Variants in BRINP2 observed in about 807,000 individuals in gnomAD.
The protein encoded by BRINP2 is BMP/retinoic acid-inducible neural-specific protein 2.
In BRINP2, 21 loss-of-function variants were observed where a neutral mutation model predicts 69.2. That is an observed-to-expected ratio of 0.30 (90% CI 0.22 to 0.44). BRINP2 has a LOEUF of 0.44. Ranked by LOEUF, BRINP2 falls within the 20% of genes least tolerant of loss-of-function variation. The probability of loss-of-function intolerance (pLI) is 1.00; values close to 1 mark genes in which losing one functional copy is unlikely to be tolerated. For missense variants in BRINP2, 877 were observed against 986.0 expected (o/e 0.89, Z 1.48); for synonymous variants, 380 against 394.1 (o/e 0.96, Z 0.42).
chr1:177,244,887 C>T (rs990951330), intron 2 of BRINP2, among the ~76,000 whole-genome samples: 2 of 152,128 alleles, frequency 1.3e-5, no homozygotes, highest in South Asian at 2.1e-4. Context: ...CAAATCAGCA[C>T]ACAGTCCCTT....
chr1:177,253,491 G>A (rs1267690576), intron 2 of BRINP2, among the ~76,000 whole-genome samples: 1 of 152,094 alleles, frequency 6.6e-6, no homozygotes, highest in Non-Finnish European at 1.5e-5. Context: ...TCTGTAGGTT[G>A]TCTCCTCGCT....
intron 2 of BRINP2, 29 bp downstream of exon 2, chr1:177,230,174 GC>G: frequency 6.4e-7 from 1 of 1,565,694 alleles, no homozygotes; most frequent in Non-Finnish European, 8.7e-7. Context: ...TGAGACAGGG[GC>G]TTCCCTAAGA....
intron 2 of BRINP2, among the ~76,000 whole-genome samples, chr1:177,254,517 G>T (rs1262031027): frequency 6.6e-6 from 1 of 152,064 alleles, no homozygotes; most frequent in Non-Finnish European, 1.5e-5. Context: ...AATGGGAAGT[G>T]CACATAAAGC....
intron 4 of BRINP2, among the ~76,000 whole-genome samples, chr1:177,272,363 C>T (rs758616271): frequency 2.0e-5 from 3 of 152,238 alleles, no homozygotes; most frequent in Non-Finnish European, 4.4e-5. Context: ...TTGTTGCACA[C>T]ACCTCCCTAC....
chr1:177,223,413 T>C (rs746996429), intron 1 of BRINP2, among the ~76,000 whole-genome samples: 25 of 152,192 alleles, frequency 1.6e-4, no homozygotes, highest in Non-Finnish European at 8.8e-5. Context: ...TCCTGCCCTA[T>C]GAAAGCAAAG....
In BRINP2 at chr1:177,188,385, C is replaced by T. The variant is rs912447591; in HGVS notation, c.-77+16653C>T. Among the ~76,000 whole-genome samples the T allele has an allele frequency of 4.6e-5, 7 of 151,670 alleles. No homozygotes were observed. In the Middle Eastern group the frequency reaches 0.014, roughly 295 times the overall value. Reference sequence around the variant, plus strand: ...GTTGTGGAAGACAAGCAATAAACAACAACAAGAAAAAAAACATAATTAATG... The same window carrying T: ...GTTGTGGAAGACAAGCAATAAACAATAACAAGAAAAAAAACATAATTAATG... On this transcript the variant is annotated intron_variant, in intron 1 of 7. Transcript: ENST00000361539.
In BRINP2 at chr1:177,230,136, G is replaced by A. The variant is rs201739935; in HGVS notation, c.260G>A (p.Arg87Lys). Residue 87 changes from arginine (R) to lysine (K), a missense_variant, in exon 2 of 8, where the codon AGG becomes AAG. Arg to Lys is a conservative substitution (Grantham distance 26, BLOSUM62 2). Transcript: ENST00000361539. ...RYRQGFTTRY[R>K]IYREFARWKV... ...CGCCAGGGTTTCACCACCAGGTACAGGATTTATAGGTAAGTGGGGGCCTCC... is the reference window on the plus strand; with the variant it reads ...CGCCAGGGTTTCACCACCAGGTACAAGATTTATAGGTAAGTGGGGGCCTCC... 265 of 1,601,260 alleles carry A rather than the reference G, an allele frequency of 1.7e-4. No homozygotes were observed. The highest frequency in any genetic ancestry group is 1.1e-4 in the Non-Finnish European group (124 of 1,171,254).
At chr1:177,239,885 G>T (rs767057874) in intron 2 of BRINP2, among the ~76,000 whole-genome samples, 7 of 152,184 alleles carry the variant, frequency 4.6e-5, no homozygotes, top group Non-Finnish European at 5.9e-5. Context: ...CTTCTCCATT[G>T]TACCTGTTTA....
intron 1 of BRINP2, among the ~76,000 whole-genome samples, chr1:177,199,669 A>G (rs1428175789): frequency 6.6e-6 from 1 of 152,138 alleles, no homozygotes; most frequent in Non-Finnish European, 1.5e-5. Flanking sequence ...CTAATTTTAA[A>G]ATTTTATTTA....
chr1:177,278,768 C>T lies in BRINP2; in HGVS notation c.1218C>T (p.Phe406=). The change falls in exon 7 of 8, where the codon TTC becomes TTT. Residue 406 remains phenylalanine (F), a synonymous_variant. Transcript: ENST00000361539. The part of the protein sequence containing the change: ...LCKRCHRQPR[F]RLPKERSLSY... ...AGCGCTGCCATCGCCAGCCTCGCTT[C>T]CGCCTGCCCAAGGAGAGGTGAGCAC... 4 of 1,614,052 alleles carry T rather than the reference C, an allele frequency of 2.5e-6. No individual in the cohort carries two copies. Among genetic ancestry groups the T allele is most frequent in the Non-Finnish European group, 3.4e-6 (4 of 1,180,032 alleles).
intron 1 of BRINP2, among the ~76,000 whole-genome samples, chr1:177,219,942 C>T (rs1295603055): frequency 6.6e-6 from 1 of 152,188 alleles, no homozygotes; most frequent in Non-Finnish European, 1.5e-5. Flanking sequence ...GAGGCAGGGA[C>T]AGAGAAGGGT....
intron 1 of BRINP2, among the ~76,000 whole-genome samples, chr1:177,201,273 C>T (rs763948530): frequency 2.0e-5 from 3 of 152,164 alleles, no homozygotes; most frequent in Non-Finnish European, 4.4e-5. Flanking sequence ...GATGATGGCA[C>T]AGCTATGCCT....
At chr1:177,239,727 C>A (rs1272956080) in intron 2 of BRINP2, among the ~76,000 whole-genome samples, 1 of 152,198 alleles carries the variant, frequency 6.6e-6, no homozygotes. Context: ...TCACAGCACA[C>A]TAGGCACTCA....
At chr1:177,173,390 T>C (rs1427118382) in intron 1 of BRINP2, among the ~76,000 whole-genome samples, 3 of 152,240 alleles carry the variant, frequency 2.0e-5, no homozygotes, top group African/African-American at 7.2e-5. Context: ...GGAGGTCAGC[T>C]GGCGCCAAAG....
chr1:177,256,987 G>C, intron 3 of BRINP2, 189 bp from the exon 4 acceptor site: 17 of 1,491,534 alleles, frequency 1.1e-5, no homozygotes, highest in Admixed American at 2.1e-5. Flanking sequence ...TTCAGGCAGC[G>C]AGGCCGCTGG....
At chr1:177,254,296 T>C (rs1418826458) in intron 2 of BRINP2, among the ~76,000 whole-genome samples, 1 of 151,914 alleles carries the variant, frequency 6.6e-6, no homozygotes, top group Non-Finnish European at 1.5e-5. Flanking sequence ...TTAATTTGAA[T>C]AAAAGCAGTC....
At chr1:177,177,998 A>G (rs1415352490) in intron 1 of BRINP2, among the ~76,000 whole-genome samples, 3 of 152,184 alleles carry the variant, frequency 2.0e-5, no homozygotes, top group Non-Finnish European at 4.4e-5. Context: ...CCGACTTCCA[A>G]ACGAATAATG....
chr1:177,176,019 G>A (rs1411105807), intron 1 of BRINP2, among the ~76,000 whole-genome samples: 4 of 152,196 alleles, frequency 2.6e-5, no homozygotes, highest in Non-Finnish European at 4.4e-5. Flanking sequence ...AACCAATCTC[G>A]TCTGACCAAT....
chr1:177,279,242 A>G (rs1215587382), intron 7 of BRINP2, among the ~76,000 whole-genome samples: 1 of 152,146 alleles, frequency 6.6e-6, no homozygotes. Flanking sequence ...ACAAGTATCC[A>G]CTTGTTCATC....
Sources: allele counts gnomAD v4.1 joint callset (sites outside exome capture counted in the v4.1 genomes callset), GRCh38; gene constraint gnomAD v4.1.1; transcripts MANE v1.5; gene names NCBI Gene and HGNC (gene_info 2026-07-23, HGNC 2026-07-21).